SEMA3A: variants seen among roughly 807,000 people sequenced by gnomAD.
SEMA3A encodes semaphorin 3A.
In SEMA3A, 29 loss-of-function variants were observed where a neutral mutation model predicts 97.9. That is an observed-to-expected ratio of 0.30 (90% CI 0.22 to 0.40). The LOEUF (loss-of-function observed/expected upper bound fraction) is 0.40. SEMA3A is among the 10% of genes least tolerant of loss of function. SEMA3A has a pLI of 1.00. For synonymous variants in SEMA3A, 321 were observed against 323.7 expected (o/e 0.99, Z 0.09); for missense variants, 763 against 951.3 (o/e 0.80, Z 2.60).
chr7:84,081,559 C>T (rs1007442246), intron 4 of SEMA3A, among the ~76,000 whole-genome samples: 4 of 142,992 alleles, frequency 2.8e-5, no homozygotes, highest in Non-Finnish European at 6.0e-5. Flanking sequence ...CGCCAGTGCA[C>T]TGTAGCCTGG....
chr7:84,003,529 C>G (rs1345058175), intron 11 of SEMA3A, among the ~76,000 whole-genome samples: 3 of 152,114 alleles, frequency 2.0e-5, no homozygotes, highest in Admixed American at 2.0e-4. Context: ...CCATCCACAT[C>G]ATCAGACATT....
chr7:84,417,704 T>G (rs1044191152), intron 1 of SEMA3A, among the ~76,000 whole-genome samples: 2 of 152,096 alleles, frequency 1.3e-5, no homozygotes, highest in African/African-American at 4.8e-5. Context: ...TTCCTTAACA[T>G]CACCTTAGAC....
Position 84,469,106 on chromosome 7 carries a change from C to T in SEMA3A, c.-246+23354G>A, listed in dbSNP as rs184294974. Among the ~76,000 whole-genome samples, 127 of 152,194 alleles carry T rather than the reference C, an allele frequency of 8.3e-4. 1 individual carries two copies. The highest frequency in any genetic ancestry group is 3.4e-3 in the Middle Eastern group (1 of 294). On this transcript the variant is annotated intron_variant, in intron 1 of 3. Transcript: ENST00000424555. ...AAGCATGCCACGTGTTTTAAAAGTA[C>T]TGTCCATGTTTTACGTTTTGATATT... is the stretch of plus-strand genomic sequence containing the variant.
intron 2 of SEMA3A, among the ~76,000 whole-genome samples, chr7:84,357,010 T>G (rs1193367930): frequency 6.6e-6 from 1 of 151,892 alleles, no homozygotes; most frequent in African/African-American, 2.4e-5. Context: ...ACAAAGCAGC[T>G]ATAGTATCAA....
At chr7:84,186,780 C>T (rs12540238) in intron 1 of SEMA3A, among the ~76,000 whole-genome samples, 30,273 of 151,700 alleles carry the variant, frequency 0.2, 3,814 homozygotes, top group Non-Finnish European at 0.29. Context: ...AATTTTCCAA[C>T]GAACATTGTA....
intron 1 of SEMA3A, among the ~76,000 whole-genome samples, chr7:84,486,393 C>A (rs975009462): frequency 6.6e-6 from 1 of 152,044 alleles, no homozygotes; most frequent in African/African-American, 2.4e-5. Context: ...TCTCAAAATA[C>A]AAAAACAAAA....
chr7:84,030,002 TA>T (rs1177529583), intron 6 of SEMA3A, among the ~76,000 whole-genome samples: 1 of 152,116 alleles, frequency 6.6e-6, no homozygotes, highest in Non-Finnish European at 1.5e-5. Context: ...AAAAGAAAAT[TA>T]AGTGGAATAT....
At chr7:84,294,693 T>C (rs1479024845) in intron 3 of SEMA3A, among the ~76,000 whole-genome samples, 2 of 152,064 alleles carry the variant, frequency 1.3e-5, no homozygotes, top group Non-Finnish European at 2.9e-5. Flanking sequence ...CTTGTAATCC[T>C]CTAAATATTC....
intron 6 of SEMA3A, among the ~76,000 whole-genome samples, chr7:84,032,816 T>C (rs1490916601): frequency 2.0e-5 from 3 of 151,800 alleles, no homozygotes; most frequent in Non-Finnish European, 4.4e-5. Flanking sequence ...AGTTGCTATA[T>C]TTACATGAAT....
At chr7:84,297,630 C>A (rs763574137) in intron 3 of SEMA3A, among the ~76,000 whole-genome samples, 1 of 152,122 alleles carries the variant, frequency 6.6e-6, no homozygotes, top group African/African-American at 2.4e-5. Flanking sequence ...TAATACCCTG[C>A]TGCTCTATAA....
intron 5 of SEMA3A, among the ~76,000 whole-genome samples, chr7:84,058,714 G>A (rs1207399954): frequency 2.6e-5 from 4 of 152,058 alleles, no homozygotes; most frequent in African/African-American, 9.7e-5. Flanking sequence ...GGATAGGTTA[G>A]GTCTGCACTT....
intron 1 of SEMA3A, among the ~76,000 whole-genome samples, chr7:84,482,678 G>A (rs1806477100): frequency 6.6e-6 from 1 of 152,084 alleles, no homozygotes; most frequent in African/African-American, 2.4e-5. Context: ...CTCATGTGTG[G>A]CCTATATATG....
At chr7:84,218,457 A>G (rs1324237987) in intron 3 of SEMA3A, among the ~76,000 whole-genome samples, 2 of 152,152 alleles carry the variant, frequency 1.3e-5, no homozygotes, top group East Asian at 3.9e-4. Flanking sequence ...CATAATCCCT[A>G]GTTTTCTTGC....
intron 1 of SEMA3A, among the ~76,000 whole-genome samples, chr7:84,409,918 G>A (rs1804213226): frequency 6.6e-6 from 1 of 152,034 alleles, no homozygotes; most frequent in South Asian, 2.1e-4. Flanking sequence ...ATAAAGTACA[G>A]AAATATGAAT....
intron 15 of SEMA3A, among the ~76,000 whole-genome samples, chr7:83,971,430 CAA>C (rs58083024): frequency 0.35 from 46,396 of 132,622 alleles, 8,411 homozygotes; most frequent in East Asian, 0.81. Flanking sequence ...GAAACTCCAT[CAA>C]AAAAAAAAAA....
At chr7:84,274,204 G>A (rs1288075299) in intron 3 of SEMA3A, among the ~76,000 whole-genome samples, 1 of 151,880 alleles carries the variant, frequency 6.6e-6, no homozygotes, top group African/African-American at 2.4e-5. Context: ...TGAACCGAAA[G>A]TGCATGATCC....
chr7:84,268,661 G>C (rs1219523851), intron 3 of SEMA3A, among the ~76,000 whole-genome samples: 1 of 152,088 alleles, frequency 6.6e-6, no homozygotes, highest in Admixed American at 6.6e-5. Flanking sequence ...ACAGTCCTCT[G>C]TTACACCATC....
chr7:83,960,056 T>C lies in SEMA3A; in HGVS notation c.*1315A>G, dbSNP rs1788407157. 6.6e-6 allele frequency: 1 copy of C among 152,054 alleles called. No individual in the cohort carries two copies. Among genetic ancestry groups the C allele is most frequent in the Admixed American group, 6.6e-5 (1 of 15,252 alleles). The allele number at this position is 152,054 out of a possible 1,614,324, so 9.4% of individuals were successfully genotyped here. On this transcript the variant is annotated 3_prime_UTR_variant, in exon 17 of 17. Transcript: ENST00000265362. ...TTCTTGTACAAATAATTGTCTTAAATAAGGAAAGGTAAGAGGCACCTGATA... is the reference window on the plus strand; with the variant it reads ...TTCTTGTACAAATAATTGTCTTAAACAAGGAAAGGTAAGAGGCACCTGATA...
rs182003682 is a variant in SEMA3A at position 84,045,994 on chromosome 7, G to C, written c.667+330C>G. Among the ~76,000 whole-genome samples the C allele has an allele frequency of 2.3e-3, 348 of 150,968 alleles. 2 individuals carry two copies. Among genetic ancestry groups the C allele is most frequent in the Non-Finnish European group, 3.7e-3 (252 of 67,738 alleles). On this transcript the variant is annotated intron_variant, in intron 6 of 16. Coordinates refer to ENST00000265362, the MANE Select transcript of SEMA3A (RefSeq NM_006080.3). ...AGGAAAAAAAAAAACTACACTGTAAGATTTGTTGTGGTGTCCCCATAAGAC... is the reference window on the plus strand; with the variant it reads ...AGGAAAAAAAAAAACTACACTGTAACATTTGTTGTGGTGTCCCCATAAGAC...
Sources: allele counts gnomAD v4.1 joint callset (sites outside exome capture counted in the v4.1 genomes callset), GRCh38; gene constraint gnomAD v4.1.1; transcripts MANE v1.5; gene names NCBI Gene and HGNC (gene_info 2026-07-23, HGNC 2026-07-21).